The following DACH2 variants were observed in gnomAD, a reference collection of about 807,000 sequenced individuals.
DACH2 encodes dachshund homolog 2.
Under a neutral mutation model 35.8 loss-of-function variants are expected in DACH2, and 17 were observed. That is an observed-to-expected ratio of 0.48 (90% CI 0.33 to 0.71). DACH2 has a LOEUF of 0.71. Among genes scored for constraint, DACH2 ranks in the 30% least tolerant of loss-of-function variants. The pLI is 0.02. For missense variants in DACH2, 469 were observed against 472.7 expected, an observed-to-expected ratio of 0.99 and a Z score of 0.07; for synonymous variants, 195 against 177.3, an observed-to-expected ratio of 1.10 and a Z score of -0.79.
At chrX:86,453,826 T>C (rs2148200529) in intron 2 of DACH2, among the ~76,000 whole-genome samples, 1 of 111,436 alleles carries the variant, frequency 9.0e-6, no homozygotes, top group East Asian at 2.8e-4. Context: ...CAGTTAGTAT[T>C]GTTATGTGTG....
intron 1 of DACH2, among the ~76,000 whole-genome samples, chrX:86,190,162 TAAA>T (rs776524615): frequency 1.0e-5 from 1 of 98,639 alleles, no homozygotes; most frequent in African/African-American, 3.7e-5. Flanking sequence ...AGACTCCATC[TAAA>T]AAAAAAAAAA....
chrX:86,288,639 G>A (rs765615914), intron 1 of DACH2, among the ~76,000 whole-genome samples: 1 of 111,838 alleles, frequency 8.9e-6, no homozygotes, highest in East Asian at 2.8e-4. Flanking sequence ...TTTCTTAAAT[G>A]CAGAGGAGCC....
chrX:86,639,857 C>CAT lies in DACH2; in HGVS notation c.641-11179_641-11178insAT, dbSNP rs1569458036. ...CTACCAAAACATGGTCAGACTGCTG[C>CAT]TTTAAGTGGGTGCCTGATCCTATTT... On this transcript the variant is annotated intron_variant, in intron 3 of 11. Transcript: ENST00000373125. 2.9e-3 allele frequency among the ~76,000 whole-genome samples: 325 copies of CAT among 110,939 alleles called. 2 individuals carry two copies. The highest frequency in any genetic ancestry group is 0.01 in the African/African-American group (310 of 30,488).
chrX:86,335,359 A>G (rs1310286213), intron 1 of DACH2, among the ~76,000 whole-genome samples: 1 of 112,085 alleles, frequency 8.9e-6, no homozygotes, highest in Non-Finnish European at 1.9e-5. Context: ...GGCCATTTTC[A>G]CAATACTGAT....
chrX:86,251,301 C>G (rs2033394685), intron 1 of DACH2, among the ~76,000 whole-genome samples: 1 of 111,318 alleles, frequency 9.0e-6, no homozygotes, highest in Non-Finnish European at 1.9e-5. Flanking sequence ...ATACTTTAGT[C>G]TGTTTGGAAT....
At chrX:86,756,382 A>AT (rs1041164475) in intron 7 of DACH2, among the ~76,000 whole-genome samples, 15 of 109,291 alleles carry the variant, frequency 1.4e-4, no homozygotes, top group Non-Finnish European at 5.7e-5. Flanking sequence ...ATGTCTTTTC[A>AT]TTTTTTTGTG....
At chrX:86,687,775 A>G (rs990808426) in intron 4 of DACH2, among the ~76,000 whole-genome samples, 8 of 110,620 alleles carry the variant, frequency 7.2e-5, no homozygotes, top group African/African-American at 2.6e-4. Context: ...TATCATTCTC[A>G]GCAAACTATC....
intron 1 of DACH2, among the ~76,000 whole-genome samples, chrX:86,298,836 T>C (rs964510477): frequency 8.9e-6 from 1 of 112,187 alleles, no homozygotes; most frequent in African/African-American, 3.2e-5. Flanking sequence ...TATTTCTTTT[T>C]GTTTTTCTGC....
At chrX:86,536,693 T>A (rs2038806431) in intron 3 of DACH2, among the ~76,000 whole-genome samples, 1 of 111,956 alleles carries the variant, frequency 8.9e-6, no homozygotes, top group African/African-American at 3.3e-5. Context: ...ATGTCCCACC[T>A]TTCAGAGCCA....
intron 3 of DACH2, among the ~76,000 whole-genome samples, chrX:86,619,750 C>T (rs752819594): frequency 8.9e-6 from 1 of 111,924 alleles, no homozygotes; most frequent in South Asian, 3.7e-4. Context: ...GTTCTTGGGG[C>T]AGATAATATG....
At chrX:86,430,727 A>G (rs756515373) in intron 2 of DACH2, among the ~76,000 whole-genome samples, 2 of 112,065 alleles carry the variant, frequency 1.8e-5, no homozygotes, top group Non-Finnish European at 3.8e-5. Context: ...CTTCTCTAAC[A>G]ATGAAGCATG....
At position 86,398,678 on chromosome X, in the gene DACH2, G is replaced by T. The variant is rs191908311; in HGVS notation, c.527+21816G>T. Among the ~76,000 whole-genome samples the T allele has an allele frequency of 1.8e-3, 202 of 112,020 alleles. 1 individual carries two copies. Among genetic ancestry groups the T allele is most frequent in the African/African-American group, 6.1e-3 (187 of 30,829 alleles). ...TGGTTATTCAGGGGCAGGTTGTTCAGTTTCCATGTAGTTGTGTAGTTTTGA... is the reference window on the plus strand; with the variant it reads ...TGGTTATTCAGGGGCAGGTTGTTCATTTTCCATGTAGTTGTGTAGTTTTGA... On this transcript the variant is annotated intron_variant, in intron 2 of 11. Coordinates refer to ENST00000373125, the MANE Select transcript of DACH2 (RefSeq NM_053281.3).
At chrX:86,337,436 G>T (rs1427089266) in intron 1 of DACH2, among the ~76,000 whole-genome samples, 1 of 111,865 alleles carries the variant, frequency 8.9e-6, no homozygotes, top group African/African-American at 3.3e-5. Context: ...CATTCTTAGA[G>T]AAAATAATTT....
chrX:86,748,588 T>C (rs1488447223), intron 7 of DACH2, among the ~76,000 whole-genome samples: 4 of 111,791 alleles, frequency 3.6e-5, no homozygotes, highest in Non-Finnish European at 7.5e-5. Context: ...AAGCATGCTG[T>C]AAATAGATGT....
chrX:86,638,665 T>C (rs1462258330), intron 3 of DACH2, among the ~76,000 whole-genome samples: 8 of 112,290 alleles, frequency 7.1e-5, no homozygotes, highest in African/African-American at 2.6e-4. Flanking sequence ...AAATGCTTAA[T>C]GTCACTATTC....
chrX:86,673,815 T>A (rs1276637844), intron 4 of DACH2, among the ~76,000 whole-genome samples: 1 of 110,456 alleles, frequency 9.1e-6, no homozygotes, highest in Non-Finnish European at 1.9e-5. Context: ...TGATAGGGAG[T>A]GAGTTATCAA....
intron 3 of DACH2, among the ~76,000 whole-genome samples, chrX:86,556,791 TATATAGAGAGAGAGAG>T (rs1454610167): frequency 2.8e-4 from 10 of 35,679 alleles, no homozygotes; most frequent in African/African-American, 1.1e-3. Flanking sequence ...TATATATATA[TATATAGAGAGAGAGAG>T]AGAGAGAGAG....
chrX:86,603,985 T>C (rs1569450871), intron 3 of DACH2, among the ~76,000 whole-genome samples: 3 of 111,553 alleles, frequency 2.7e-5, no homozygotes, highest in Non-Finnish European at 5.7e-5. Flanking sequence ...TCTAGTTTCC[T>C]TAAATTACAA....
At position 86,607,928 on chromosome X, in the gene DACH2, C is replaced by G. The variant is rs1280954270; in HGVS notation, c.641-43108C>G. Among the ~76,000 whole-genome samples, 19 of 106,587 alleles carry G rather than the reference C, an allele frequency of 1.8e-4. 2 individuals carry two copies. In the Admixed American group the frequency reaches 1.8e-3, roughly 10 times the overall value. The allele number at this position is 106,587 out of a possible 115,157, so 92.6% of individuals were successfully genotyped here. A position where few individuals can be genotyped will look rare whatever the true frequency, so the allele number is the denominator to read the frequency against. ...GTCCCTACAAAGGACGTGAACTCAT[C>G]ATTTTTTATGGCTGCATAGTATTCC... On this transcript the variant is annotated intron_variant, in intron 3 of 11. Transcript: ENST00000373125.
Sources: gnomAD v4.1 joint callset for allele counts (sites outside exome capture counted in the v4.1 genomes callset) on GRCh38, gnomAD v4.1.1 for gene constraint, MANE v1.5 for transcripts, NCBI Gene and HGNC (gene_info 2026-07-23, HGNC 2026-07-21) for gene names.